Variants in LYN observed in about 807,000 individuals in gnomAD.
LYN encodes the protein tyrosine-protein kinase Lyn.
In LYN, 12 loss-of-function variants were observed where a neutral mutation model predicts 65.0. That is an observed-to-expected ratio of 0.18 (90% CI 0.12 to 0.30). The LOEUF is 0.30. LYN is among the 10% of genes least tolerant of loss of function. LYN has a pLI of 1.00. For synonymous variants in LYN, 222 were observed against 221.2 expected (o/e 1.00, Z -0.03); for missense variants, 380 against 623.2 (o/e 0.61, Z 4.16).
chr8:55,985,636 G>T (rs1421018170), intron 10 of LYN, among the ~76,000 whole-genome samples: 1 of 152,176 alleles, frequency 6.6e-6, no homozygotes, highest in East Asian at 1.9e-4. Context: ...ATATAGCACA[G>T]CTGCCTGCTA....
chr8:56,002,125 A>G (rs1159192227), intron 12 of LYN, among the ~76,000 whole-genome samples: 1 of 152,156 alleles, frequency 6.6e-6, no homozygotes, highest in Non-Finnish European at 1.5e-5. Context: ...TACTAAAAAT[A>G]TAAAAATTAG....
In LYN at chr8:55,887,452, C is replaced by T. The variant is rs186368208; in HGVS notation, c.-6+7349C>T. Among the ~76,000 whole-genome samples, 10 of 151,574 alleles carry T rather than the reference C, an allele frequency of 6.6e-5. No individual in the cohort carries two copies. In the East Asian group the frequency reaches 1.9e-3, roughly 29 times the overall value. ...GGGTGACAGTTGAGTGCTGTTTTTA[C>T]TTCTGTACGTCTTTATATTTAAAAG... is the stretch of plus-strand genomic sequence containing the variant. On this transcript the variant is annotated intron_variant, in intron 1 of 12. Transcript: ENST00000519728.
Position 55,904,736 on chromosome 8 carries a change from G to A in LYN, c.-6+24633G>A, listed in dbSNP as rs190637347. Among the ~76,000 whole-genome samples the A allele has an allele frequency of 7.0e-3, 1,069 of 152,150 alleles. 17 individuals are homozygous for A. The Middle Eastern group carries it at 0.071, about 10-fold the overall frequency. Reference sequence around the variant, plus strand: ...CTGCTCTCCAGCCTTGTAACAGAGCGAGACTCCATCTCAAAAAAGAAAAAA... The same window carrying A: ...CTGCTCTCCAGCCTTGTAACAGAGCAAGACTCCATCTCAAAAAAGAAAAAA... On this transcript the variant is annotated intron_variant, in intron 1 of 12. Transcript: ENST00000519728.
At chr8:55,964,090 A>G in intron 8 of LYN, among the ~76,000 whole-genome samples, 1 of 152,202 alleles carries the variant, frequency 6.6e-6, no homozygotes, top group Non-Finnish European at 1.5e-5. Flanking sequence ...ACAATTTAAT[A>G]TATTCATAAT....
At chr8:55,934,670 TGAAGA>T (rs1465247380) in intron 1 of LYN, among the ~76,000 whole-genome samples, 6 of 152,106 alleles carry the variant, frequency 3.9e-5, no homozygotes, top group South Asian at 2.1e-4. Flanking sequence ...GCATGAGACA[TGAAGA>T]GAAGAGAAGA....
intron 10 of LYN, among the ~76,000 whole-genome samples, chr8:55,991,724 C>T (rs1271981963): frequency 6.6e-6 from 1 of 152,104 alleles, no homozygotes; most frequent in African/African-American, 2.4e-5. Context: ...AATCACCTTG[C>T]TCCACACTCA....
At chr8:55,929,321 T>C (rs1309060533) in intron 1 of LYN, among the ~76,000 whole-genome samples, 1 of 152,210 alleles carries the variant, frequency 6.6e-6, no homozygotes, top group Non-Finnish European at 1.5e-5. Context: ...TAAGACTTAG[T>C]GAGACTAAGA....
Position 55,911,406 on chromosome 8 carries a change from G to A in LYN, c.-5-30449G>A, listed in dbSNP as rs1387181887. 2.0e-5 allele frequency among the ~76,000 whole-genome samples: 3 copies of A among 146,422 alleles called. No individual in the cohort carries two copies. The South Asian group carries it at 6.6e-4, about 32-fold the overall frequency. On this transcript the variant is annotated intron_variant, in intron 1 of 12. Transcript: ENST00000519728. The stretch of plus-strand genomic sequence containing the variant: ...CAAAGTGTTGGGATTACGGGCGTGA[G>A]CCACCGCACCCAACCGGTTTTTTAC...
At chr8:55,981,833 G>T (rs1342354984) in intron 10 of LYN, among the ~76,000 whole-genome samples, 2 of 152,234 alleles carry the variant, frequency 1.3e-5, no homozygotes, top group Non-Finnish European at 2.9e-5. Context: ...ATCTGGGCCT[G>T]TGGGAAAAAC....
intron 8 of LYN, among the ~76,000 whole-genome samples, chr8:55,961,119 C>G (rs1440672132): frequency 1.3e-5 from 2 of 152,094 alleles, no homozygotes; most frequent in East Asian, 3.8e-4. Flanking sequence ...GATTAATCAC[C>G]AACCCACTTC....
intron 8 of LYN, among the ~76,000 whole-genome samples, chr8:55,954,678 TAAAG>T (rs1807051304): frequency 6.6e-6 from 1 of 151,858 alleles, no homozygotes. Context: ...TCTCTACAAA[TAAAG>T]AAATTAGCCA....
At chr8:55,993,333 A>G (rs1808297647) in intron 10 of LYN, among the ~76,000 whole-genome samples, 1 of 152,106 alleles carries the variant, frequency 6.6e-6, no homozygotes. Context: ...GAGGGGTGAA[A>G]TTTGTACTTA....
chr8:55,898,280 C>T (rs1215309986), intron 1 of LYN, among the ~76,000 whole-genome samples: 1 of 151,958 alleles, frequency 6.6e-6, no homozygotes, highest in Non-Finnish European at 1.5e-5. Flanking sequence ...ATAATAACAG[C>T]TTTATTTTTA....
intron 1 of LYN, among the ~76,000 whole-genome samples, chr8:55,937,898 T>A (rs1470465809): frequency 6.6e-6 from 1 of 152,108 alleles, no homozygotes; most frequent in Middle Eastern, 3.2e-3. Context: ...AGTTTCATCA[T>A]GTTGGCCAGG....
intron 1 of LYN, among the ~76,000 whole-genome samples, chr8:55,900,372 T>A (rs1237753320): frequency 6.6e-6 from 1 of 152,112 alleles, no homozygotes; most frequent in African/African-American, 2.4e-5. Flanking sequence ...TTCCTCTTTT[T>A]TATTTTTAAT....
At chr8:55,993,276 A>C (rs1226365603) in intron 10 of LYN, among the ~76,000 whole-genome samples, 1 of 152,238 alleles carries the variant, frequency 6.6e-6, no homozygotes, top group Non-Finnish European at 1.5e-5. Context: ...TACTTCCTGA[A>C]ATGGGAACCA....
chr8:55,936,461 G>A (rs1027598433), intron 1 of LYN, among the ~76,000 whole-genome samples: 1 of 152,168 alleles, frequency 6.6e-6, no homozygotes. Context: ...CCAATATGGT[G>A]AAACCCTGTC....
intron 1 of LYN, among the ~76,000 whole-genome samples, chr8:55,935,016 C>T (rs180769670): frequency 3.9e-5 from 6 of 152,262 alleles, no homozygotes; most frequent in Admixed American, 2.6e-4. Flanking sequence ...GTGATGCCCA[C>T]ACCATGGACG....
intron 1 of LYN, among the ~76,000 whole-genome samples, chr8:55,888,197 A>G (rs923704105): frequency 1.3e-5 from 2 of 152,160 alleles, no homozygotes; most frequent in Admixed American, 1.3e-4. Flanking sequence ...GTTGGGGTAC[A>G]CACCTGCCAT....
Sources: allele counts gnomAD v4.1 joint callset (sites outside exome capture counted in the v4.1 genomes callset), GRCh38; gene constraint gnomAD v4.1.1; transcripts MANE v1.5; gene names NCBI Gene and HGNC (gene_info 2026-07-23, HGNC 2026-07-21).